Variants in ZFPM2 observed in about 807,000 individuals in gnomAD.
ZFPM2 encodes zinc finger protein, FOG family member 2, also known as zinc finger protein ZFPM2.
In ZFPM2, 20 loss-of-function variants were observed where a neutral mutation model predicts 98.6. The observed-to-expected ratio is 0.20, with a 90% confidence interval of 0.14 to 0.29. ZFPM2 has a LOEUF of 0.29. Ranked by LOEUF, ZFPM2 falls within the 10% of genes least tolerant of loss-of-function variation. The pLI is 1.00. For synonymous variants in ZFPM2, 518 were observed against 502.7 expected, an observed-to-expected ratio of 1.03 and a Z score of -0.41; for missense variants, 1,310 against 1,388.6, an observed-to-expected ratio of 0.94 and a Z score of 0.90.
At chr8:105,495,313 T>C (rs1813444142) in intron 3 of ZFPM2, among the ~76,000 whole-genome samples, 2 of 152,198 alleles carry the variant, frequency 1.3e-5, no homozygotes, top group Non-Finnish European at 2.9e-5. Context: ...GTTCCCTGGG[T>C]GCAGCACACC....
intron 3 of ZFPM2, among the ~76,000 whole-genome samples, chr8:105,534,722 A>G (rs974875901): frequency 1.3e-5 from 2 of 152,200 alleles, no homozygotes; most frequent in Non-Finnish European, 2.9e-5. Flanking sequence ...GAACAAGAGA[A>G]CAAGGAAACA....
intron 3 of ZFPM2, among the ~76,000 whole-genome samples, chr8:105,548,198 A>G (rs548838553): frequency 7.8e-4 from 118 of 152,202 alleles, no homozygotes; most frequent in African/African-American, 2.7e-3. Flanking sequence ...GACATGATAA[A>G]TATACTCACC....
intron 3 of ZFPM2, among the ~76,000 whole-genome samples, chr8:105,506,227 G>T (rs1813695539): frequency 6.6e-6 from 1 of 152,108 alleles, no homozygotes; most frequent in Non-Finnish European, 1.5e-5. Flanking sequence ...ATTCTGTGCT[G>T]AGAGAAGGAT....
At chr8:105,658,829 T>C (rs1233947198) in intron 5 of ZFPM2, among the ~76,000 whole-genome samples, 1 of 152,178 alleles carries the variant, frequency 6.6e-6, no homozygotes. Flanking sequence ...ATCTTAAAAG[T>C]ACTTTGAAAT....
chr8:105,380,306 G>T (rs1363355437), intron 1 of ZFPM2, among the ~76,000 whole-genome samples: 1 of 151,550 alleles, frequency 6.6e-6, no homozygotes, highest in African/African-American at 2.4e-5. Context: ...TCCTGTTTGT[G>T]ACTCTATTTT....
At chr8:105,555,970 A>G (rs1026633858) in intron 3 of ZFPM2, among the ~76,000 whole-genome samples, 1 of 152,210 alleles carries the variant, frequency 6.6e-6, no homozygotes, top group Non-Finnish European at 1.5e-5. Flanking sequence ...GGAGAGCAGT[A>G]GAACGCAAGA....
chr8:105,702,123 T>A (rs1811154042), intron 5 of ZFPM2, among the ~76,000 whole-genome samples: 1 of 152,246 alleles, frequency 6.6e-6, no homozygotes. Context: ...AAGTGTCTGC[T>A]CAGCTTCTTA....
intron 6 of ZFPM2, among the ~76,000 whole-genome samples, chr8:105,789,975 C>A (rs1386108368): frequency 6.6e-6 from 1 of 151,742 alleles, no homozygotes; most frequent in African/African-American, 2.4e-5. Context: ...ATTGTAGATT[C>A]TGGATATTAG....
chr8:105,542,516 A>G (rs1390715333), intron 3 of ZFPM2, among the ~76,000 whole-genome samples: 1 of 152,206 alleles, frequency 6.6e-6, no homozygotes, highest in Non-Finnish European at 1.5e-5. Flanking sequence ...ATTTTTTTCA[A>G]TGAATACAGT....
At chr8:105,589,642 T>A in intron 4 of ZFPM2, among the ~76,000 whole-genome samples, 1 of 152,200 alleles carries the variant, frequency 6.6e-6, no homozygotes, top group South Asian at 2.1e-4. Context: ...CAAAACACAT[T>A]ACTTGCTTTC....
chr8:105,489,467 T>TATATATA (rs372429625), intron 3 of ZFPM2, among the ~76,000 whole-genome samples: 7 of 88,016 alleles, frequency 8.0e-5, no homozygotes, highest in African/African-American at 2.7e-4. Context: ...TATATATATA[T>TATATATA]TTTTTTTTTT....
chr8:105,567,144 A>G (rs1283591374), intron 4 of ZFPM2, among the ~76,000 whole-genome samples: 1 of 152,120 alleles, frequency 6.6e-6, no homozygotes, highest in African/African-American at 2.4e-5. Context: ...TTCATCTTTT[A>G]TCTTAATAAT....
intron 4 of ZFPM2, among the ~76,000 whole-genome samples, chr8:105,630,412 G>T (rs1373573867): frequency 6.6e-6 from 1 of 152,068 alleles, no homozygotes. Flanking sequence ...GAAAGAAATT[G>T]ACTTACCTCC....
intron 1 of ZFPM2, among the ~76,000 whole-genome samples, chr8:105,337,976 A>G (rs1691821784): frequency 6.6e-6 from 1 of 151,720 alleles, no homozygotes; most frequent in Non-Finnish European, 1.5e-5. Context: ...GATCTCTTCC[A>G]TTAGAAACTC....
At chr8:105,475,328 T>C (rs913076374) in intron 3 of ZFPM2, among the ~76,000 whole-genome samples, 30 of 152,194 alleles carry the variant, frequency 2.0e-4, no homozygotes, top group African/African-American at 7.0e-4. Context: ...CAACCAACGA[T>C]TCATTTGAAG....
intron 3 of ZFPM2, among the ~76,000 whole-genome samples, chr8:105,504,997 A>G (rs191410317): frequency 6.1e-4 from 93 of 152,286 alleles, no homozygotes; most frequent in Non-Finnish European, 1.0e-3. Flanking sequence ...ATATTTGACT[A>G]TTCACAAAAA....
intron 1 of ZFPM2, among the ~76,000 whole-genome samples, chr8:105,359,828 A>T (rs1440522887): frequency 2.0e-5 from 3 of 152,204 alleles, no homozygotes; most frequent in Non-Finnish European, 2.9e-5. Flanking sequence ...TTTGTTTCTA[A>T]TATTGATCAT....
intron 4 of ZFPM2, among the ~76,000 whole-genome samples, chr8:105,600,269 A>G (rs1362407465): frequency 6.6e-6 from 1 of 152,164 alleles, no homozygotes; most frequent in Non-Finnish European, 1.5e-5. Flanking sequence ...CAGTATTTTG[A>G]GACTATATTT....
chr8:105,648,389 T>C (rs935418859), intron 5 of ZFPM2, among the ~76,000 whole-genome samples: 2 of 152,118 alleles, frequency 1.3e-5, no homozygotes, highest in African/African-American at 2.4e-5. Flanking sequence ...TTAATTAGAT[T>C]CCATTTGTCA....
Sources: gnomAD v4.1 joint callset for allele counts (sites outside exome capture counted in the v4.1 genomes callset) on GRCh38, gnomAD v4.1.1 for gene constraint, MANE v1.5 for transcripts, NCBI Gene and HGNC (gene_info 2026-07-23, HGNC 2026-07-21) for gene names.